Variants in TDRKH observed in about 807,000 individuals in gnomAD.
TDRKH encodes tudor and KH domain-containing protein.
In TDRKH, 28 loss-of-function variants were observed where a neutral mutation model predicts 61.3. The observed-to-expected ratio is 0.46, with a 90% CI of 0.34 to 0.63. The LOEUF (loss-of-function observed/expected upper bound fraction) is 0.63, where lower values mean the gene tolerates loss of function less well. Ranked by LOEUF, TDRKH falls within the 20% of genes least tolerant of loss-of-function variation. TDRKH has a pLI of 0.01. For synonymous variants in TDRKH, 219 were observed against 244.4 expected, an observed-to-expected ratio of 0.90 and a Z score of 0.97; for missense variants, 540 against 683.4, an observed-to-expected ratio of 0.79 and a Z score of 2.34.
chr1:151,785,033 C>T (rs574246265), intron 1 of TDRKH, among the ~76,000 whole-genome samples: 3 of 151,556 alleles, frequency 2.0e-5, no homozygotes, highest in East Asian at 3.9e-4. Context: ...TGGACTCAAG[C>T]AATCCTCCCA....
At chr1:151,789,358 G>A (rs1421081493) in intron 1 of TDRKH, among the ~76,000 whole-genome samples, 1 of 152,154 alleles carries the variant, frequency 6.6e-6, no homozygotes. Context: ...TTCTCTTAAA[G>A]AGAAATGGAA....
chr1:151,775,392 C>T lies in TDRKH; in HGVS notation c.1434G>A (p.Lys478=), dbSNP rs1442083634. 9.3e-6 allele frequency: 15 copies of T among 1,609,268 alleles called. No individual in the cohort carries two copies. Among genetic ancestry groups the T allele is most frequent in the Admixed American group, 1.7e-5 (1 of 58,990 alleles). Residue 478 remains lysine (K), a splice_region_variant and synonymous_variant, in exon 10 of 13, where the codon AAG becomes AAA. Transcript: ENST00000368824. ...KIYLYDTSNG[K]KLDIGLELVH... Reference sequence around the variant, plus strand: ...AGCAGTGAGTGAATGCCAGTCTTACCTTCCCATTGCTAGTATCATATAAGT... The same window carrying T: ...AGCAGTGAGTGAATGCCAGTCTTACTTTCCCATTGCTAGTATCATATAAGT...
chr1:151,767,650 A>G, downstream of TDRKH: 1 of 293,230 alleles, frequency 3.4e-6, no homozygotes, highest in Non-Finnish European at 6.3e-6. Context: ...TTGCAATAAC[A>G]AGCCTGGTTG....
intron 3 of TDRKH, among the ~76,000 whole-genome samples, chr1:151,780,580 G>T (rs1649656963): frequency 6.6e-6 from 1 of 152,212 alleles, no homozygotes; most frequent in Non-Finnish European, 1.5e-5. Context: ...ACCAGGCGCG[G>T]TGGCTCACGC....
intron 3 of TDRKH, 32 bp downstream of exon 3, chr1:151,781,449 T>C: frequency 6.3e-7 from 1 of 1,587,372 alleles, no homozygotes; most frequent in Non-Finnish European, 8.6e-7. Flanking sequence ...AATCAATCCT[T>C]GGGAAAGCAG....
Position 151,781,560 on chromosome 1 carries a change from T to C in TDRKH, c.152A>G (p.Asp51Gly), listed in dbSNP as rs1482220652. The C allele has an allele frequency of 6.2e-7, 1 of 1,613,508 alleles. No homozygotes were observed. The highest frequency in any genetic ancestry group is 8.5e-7 in the Non-Finnish European group (1 of 1,179,820). Residue 51 changes from aspartate to glycine, a missense_variant, in exon 3 of 13, where the codon GAT (aspartate) becomes GGT (glycine). Around this residue, in one of 3 missense-constraint regions of TDRKH, gnomAD observed 156 missense variants for 218.0 expected, o/e 0.72. Transcript: ENST00000368824. Reference sequence around the variant, plus strand: ...AACCCGCATCTCTATCTCAATGTCATCTTCCCCAACAAATGTCAGCCGCTC... The same window carrying C: ...AACCCGCATCTCTATCTCAATGTCACCTTCCCCAACAAATGTCAGCCGCTC... ...REERLTFVGE[D>G]DIEIEMRVPQ...
chr1:151,768,228 G>C, downstream of TDRKH: 1 of 1,610,552 alleles, frequency 6.2e-7, no homozygotes, highest in Non-Finnish European at 8.5e-7. Flanking sequence ...AAGGCAACCG[G>C]GAAAGGTGAC....
Position 151,775,822 on chromosome 1 carries a change from G to A in TDRKH, c.1280C>T (p.Ser427Leu). 6.2e-7 allele frequency: 1 copy of A among 1,613,334 alleles called. No homozygotes were observed. Among genetic ancestry groups the A allele is most frequent in the South Asian group, 1.1e-5 (1 of 91,064 alleles). Residue 427 changes from serine to leucine, a missense_variant and splice_region_variant, in exon 9 of 13, where the codon TCA becomes TTA. This residue lies in a region of TDRKH where 379 missense variants were observed against 443.8 expected (regional missense o/e 0.85). Transcript: ENST00000368824. Reference protein sequence around the residue: ...IECSLARIAPSGDQWEEEALD... With the variant: ...IECSLARIAPLGDQWEEEALD... Reference sequence around the variant, plus strand: ...AATAGATGGCATGACCAATTTACCTGAGGGAGCAATCCGTGCCAGACTACA... The same window carrying A: ...AATAGATGGCATGACCAATTTACCTAAGGGAGCAATCCGTGCCAGACTACA...
intron 3 of TDRKH, among the ~76,000 whole-genome samples, 153 bp downstream of exon 3, chr1:151,781,328 A>AAATATATATATATATATAT (rs1491536697): frequency 1.5e-5 from 1 of 68,596 alleles, no homozygotes; most frequent in Non-Finnish European, 3.4e-5. Flanking sequence ...AAAAAAAAAA[A>AAATATATATATATATATAT]ATATATATAT....
chr1:151,774,925 G>A, intron 11 of TDRKH, 119 bp from the exon 12 acceptor site: 1 of 1,367,942 alleles, frequency 7.3e-7, no homozygotes, highest in Admixed American at 1.8e-5. Flanking sequence ...TACCAAGAGG[G>A]ACAAAATGCT....
At chr1:151,784,102 A>C (rs1431819333) in intron 1 of TDRKH, among the ~76,000 whole-genome samples, 2 of 152,194 alleles carry the variant, frequency 1.3e-5, no homozygotes, top group Non-Finnish European at 2.9e-5. Context: ...AAAGGAGAGC[A>C]TTCAGAGAAA....
chr1:151,775,628 G>A, intron 9 of TDRKH, 85 bp from the exon 10 acceptor site: 1 of 1,536,190 alleles, frequency 6.5e-7, no homozygotes, highest in East Asian at 2.3e-5. Flanking sequence ...TTCTACTCAG[G>A]AAGGCACCTG....
At chr1:151,771,941 A>G (rs1034248055), downstream of TDRKH, 5 of 398,544 alleles carry the variant, frequency 1.3e-5, no homozygotes, top group African/African-American at 1.0e-4. Context: ...TGGTAGCACC[A>G]GTTCCAGGGC....
At position 151,779,096 on chromosome 1, in the gene TDRKH, T is replaced by G; in HGVS notation, c.561+7A>C. ...TCAGGTATAATTCAAGTCTATTAGC[T>G]ACTTGCCTTGGCTGCTGCCACTTCC... On this transcript the variant is annotated splice_region_variant and intron_variant, in intron 5 of 12. Coordinates refer to ENST00000368824, the MANE Select transcript of TDRKH (RefSeq NM_001083965.2). 1 of 1,614,080 alleles carries G rather than the reference T, an allele frequency of 6.2e-7. No homozygotes were observed. The highest frequency in any genetic ancestry group is 8.5e-7 in the Non-Finnish European group (1 of 1,180,010).
intron 4 of TDRKH, chr1:151,779,626 G>A (rs1478273025): frequency 1.4e-5 from 5 of 370,210 alleles, no homozygotes; most frequent in Non-Finnish European, 2.4e-5. Flanking sequence ...AGCATAAAAG[G>A]TACCCTCTAG....
chr1:151,787,272 G>C (rs1650409512), intron 1 of TDRKH, among the ~76,000 whole-genome samples: 2 of 152,210 alleles, frequency 1.3e-5, no homozygotes, highest in Non-Finnish European at 2.9e-5. Flanking sequence ...AGGCTGGAGT[G>C]CAGTGGCACG....
chr1:151,770,304 A>C, downstream of TDRKH: 1 of 1,591,370 alleles, frequency 6.3e-7, no homozygotes, highest in Non-Finnish European at 8.6e-7. Context: ...AGGCAGCTGG[A>C]TAACTCCTTT....
chr1:151,778,620 C>G, intron 6 of TDRKH, 65 bp downstream of exon 6: 1 of 1,603,016 alleles, frequency 6.2e-7, no homozygotes, highest in Non-Finnish European at 8.5e-7. Context: ...TCCTTCTAAT[C>G]TCTCCAATAT....
At chr1:151,775,997 C>A in intron 8 of TDRKH, 99 bp downstream of exon 8, 1 of 1,569,384 alleles carries the variant, frequency 6.4e-7, no homozygotes, top group South Asian at 1.1e-5. Context: ...TCTCTGTAAA[C>A]AGGTTCCCTT....
Sources: allele counts gnomAD v4.1 joint callset (sites outside exome capture counted in the v4.1 genomes callset), GRCh38; gene constraint gnomAD v4.1.1; regional missense constraint gnomAD v4.1.1; transcripts MANE v1.5; gene names NCBI Gene and HGNC (gene_info 2026-07-23, HGNC 2026-07-21).